The following AHR variants were observed in gnomAD, a reference collection of about 807,000 sequenced individuals.
AHR encodes the protein AH-receptor.
Under a neutral mutation model 86.8 loss-of-function variants are expected in AHR, and 40 were observed. The observed-to-expected ratio is 0.46, with a 90% CI of 0.36 to 0.60. The LOEUF (loss-of-function observed/expected upper bound fraction) is 0.60, where lower values mean the gene tolerates loss of function less well. Among genes scored for constraint, AHR ranks in the 20% least tolerant of loss-of-function variants. The pLI, the probability that AHR is intolerant of heterozygous loss-of-function variation, is 0.00. For missense variants in AHR, 1,001 were observed against 1,011.6 expected (o/e 0.99, Z 0.14); for synonymous variants, 398 against 354.9 (o/e 1.12, Z -1.37).
At chr7:17,302,010 GTTTA>G (rs756225242) in intron 1 of AHR, among the ~76,000 whole-genome samples, 11 of 151,776 alleles carry the variant, frequency 7.2e-5, no homozygotes, top group Non-Finnish European at 1.3e-4. Flanking sequence ...AAATGAAAGT[GTTTA>G]TTTATTTTGT....
intron 1 of AHR, 97 bp from the exon 2 acceptor site, chr7:17,309,839 G>A: frequency 9.5e-7 from 1 of 1,053,952 alleles, no homozygotes; most frequent in Non-Finnish European, 1.3e-6. Context: ...AAAGTTTGTT[G>A]TGTTAGAGAA....
At chr7:17,314,028 T>G (rs1782092112) in intron 2 of AHR, among the ~76,000 whole-genome samples, 1 of 152,166 alleles carries the variant, frequency 6.6e-6, no homozygotes, top group Admixed American at 6.6e-5. Context: ...TTCCTTACTA[T>G]TTTTTGAAAT....
chr7:17,305,917 C>T (rs1281301966), intron 1 of AHR, among the ~76,000 whole-genome samples: 1 of 152,100 alleles, frequency 6.6e-6, no homozygotes. Flanking sequence ...GGGCCTGTTA[C>T]CACCAGCAGT....
At chr7:17,305,166 C>A (rs1584028901) in intron 1 of AHR, among the ~76,000 whole-genome samples, 1 of 152,100 alleles carries the variant, frequency 6.6e-6, no homozygotes, top group African/African-American at 2.4e-5. Context: ...AAAGTGGCTT[C>A]CAGCCAGAAT....
intron 2 of AHR, among the ~76,000 whole-genome samples, chr7:17,313,413 GAAC>G (rs2115354772): frequency 6.6e-6 from 1 of 152,170 alleles, no homozygotes; most frequent in East Asian, 1.9e-4. Flanking sequence ...CCTGCGGAAA[GAAC>G]AATATAAACG....
chr7:17,308,894 C>T (rs1473499238), intron 1 of AHR, among the ~76,000 whole-genome samples: 1 of 152,154 alleles, frequency 6.6e-6, no homozygotes, highest in Non-Finnish European at 1.5e-5. Flanking sequence ...TTCTACTTTA[C>T]AAAAGCTGAT....
intron 2 of AHR, among the ~76,000 whole-genome samples, chr7:17,320,638 G>A (rs1289471458): frequency 1.3e-5 from 2 of 152,020 alleles, no homozygotes; most frequent in African/African-American, 2.4e-5. Flanking sequence ...TGACTCTGAC[G>A]TTGTATGGTT....
chr7:17,304,945 A>G (rs1265347712), intron 1 of AHR, among the ~76,000 whole-genome samples: 1 of 152,108 alleles, frequency 6.6e-6, no homozygotes, highest in African/African-American at 2.4e-5. Flanking sequence ...GGGGAGGGGA[A>G]ACAATGAGTT....
chr7:17,307,344 A>G lies in AHR; in HGVS notation c.66-2592A>G, dbSNP rs149580177. On this transcript the variant is annotated intron_variant, in intron 1 of 10. Coordinates refer to ENST00000242057, the MANE Select transcript of AHR (RefSeq NM_001621.5). ...AAGTTGTTTGTATGGAATATTCCTT[A>G]ATGGAATCATTATATTAGACATTTG... Among the ~76,000 whole-genome samples the G allele has an allele frequency of 2.7e-3, 408 of 152,178 alleles. 4 individuals are homozygous for G. The highest frequency in any genetic ancestry group is 6.0e-3 in the Admixed American group (91 of 15,270).
chr7:17,302,318 T>C (rs995065845), intron 1 of AHR, among the ~76,000 whole-genome samples: 4 of 152,008 alleles, frequency 2.6e-5, no homozygotes, highest in Admixed American at 1.3e-4. Context: ...TTAAAATGCA[T>C]ACTGATAAAA....
At position 17,339,642 on chromosome 7, in the gene AHR, C is replaced by T. The variant is rs1037222277; in HGVS notation, c.1817C>T (p.Ala606Val). The change falls in exon 10 of 11, where the codon GCT becomes GTT. Residue 606 changes from alanine (A) to valine (V), a missense_variant. By Grantham distance (64) the Ala-to-Val change is moderately conservative. Coordinates refer to ENST00000242057, the MANE Select transcript of AHR (RefSeq NM_001621.5). ...PSDYQQQQSL[A>V]LNSSCMVQEH... The stretch of plus-strand genomic sequence containing the variant: ...GATTATCAACAGCAACAGTCCTTGG[C>T]TCTGAACTCAAGCTGTATGGTACAG... The T allele has an allele frequency of 1.9e-6, 3 of 1,613,940 alleles. No individual in the cohort carries two copies. Among genetic ancestry groups the T allele is most frequent in the Non-Finnish European group, 2.5e-6 (3 of 1,180,036 alleles).
chr7:17,328,913 G>A (rs1452832326), intron 4 of AHR, among the ~76,000 whole-genome samples: 1 of 151,878 alleles, frequency 6.6e-6, no homozygotes, highest in East Asian at 1.9e-4. Context: ...CTACCACAAA[G>A]TCTAAACTCC....
intron 1 of AHR, among the ~76,000 whole-genome samples, chr7:17,308,442 T>C (rs1361636858): frequency 6.6e-6 from 1 of 152,162 alleles, no homozygotes; most frequent in African/African-American, 2.4e-5. Flanking sequence ...GTACAGGATG[T>C]GATGGATATA....
At chr7:17,322,366 G>C in intron 2 of AHR, 135 bp from the exon 3 acceptor site, 1 of 631,176 alleles carries the variant, frequency 1.6e-6, no homozygotes, top group Non-Finnish European at 2.8e-6. Context: ...TATTTACCTT[G>C]TTTTAGCCAA....
rs35747095 is a variant in AHR at position 17,343,647 on chromosome 7, T to C, written c.*583T>C. The C allele has an allele frequency of 6.6e-6, 1 of 152,552 alleles. No individual in the cohort carries two copies. The highest frequency in any genetic ancestry group is 2.4e-5 in the African/African-American group (1 of 41,454). The allele number at this position is 152,552 out of a possible 1,614,324, so 9.4% of individuals were successfully genotyped here. The stretch of plus-strand genomic sequence containing the variant: ...TTTCTACCTATAACACTCTAGGATG[T>C]ATATTTTATATAAAGTATTCTTTTT... On this transcript the variant is annotated 3_prime_UTR_variant, in exon 11 of 11. Transcript: ENST00000242057.
intron 6 of AHR, among the ~76,000 whole-genome samples, chr7:17,331,469 G>C (rs1239595102): frequency 6.6e-6 from 1 of 150,918 alleles, no homozygotes; most frequent in Non-Finnish European, 1.5e-5. Context: ...AACAAAAATT[G>C]AGTGAAATAA....
At position 17,345,968 on chromosome 7, in the gene AHR, T is replaced by C. The variant is rs1782479706; in HGVS notation, c.*2904T>C. On this transcript the variant is annotated 3_prime_UTR_variant, in exon 11 of 11. Transcript: ENST00000242057. ...TGTATTATGAAGCTTTCAACATTAC[T>C]ATGCACAAACTAGTGTTTTTCGATG... is the stretch of plus-strand genomic sequence containing the variant. 6.5e-6 allele frequency: 1 copy of C among 152,752 alleles called. No individual in the cohort carries two copies. Among genetic ancestry groups the C allele is most frequent in the Non-Finnish European group, 1.5e-5 (1 of 68,010 alleles). 9.5% of individuals were successfully genotyped at this position (152,752 alleles called of 1,614,324 possible). A position where few individuals can be genotyped will look rare whatever the true frequency, so the allele number is the denominator to read the frequency against.
intron 9 of AHR, among the ~76,000 whole-genome samples, chr7:17,337,711 G>A (rs1281648839): frequency 6.6e-6 from 1 of 150,410 alleles, no homozygotes; most frequent in Non-Finnish European, 1.5e-5. Context: ...TCCTGACCTC[G>A]TGATCCGCCC....
chr7:17,320,101 T>C (rs955883679), intron 2 of AHR, among the ~76,000 whole-genome samples: 2 of 152,138 alleles, frequency 1.3e-5, no homozygotes. Context: ...ACATTTGGAA[T>C]TATAAGCATT....
Sources: gnomAD v4.1 joint callset for allele counts (sites outside exome capture counted in the v4.1 genomes callset) on GRCh38, gnomAD v4.1.1 for gene constraint, MANE v1.5 for transcripts, NCBI Gene and HGNC (gene_info 2026-07-23, HGNC 2026-07-21) for gene names.